The following AP1S2 variants were observed in gnomAD, a reference collection of about 807,000 sequenced individuals.
AP1S2 encodes AP-1 complex subunit sigma-2.
Under a neutral mutation model 14.3 loss-of-function variants are expected in AP1S2, and 1 was observed. The observed-to-expected ratio is 0.07, with a 90% CI of 0.02 to 0.33. The LOEUF is 0.33. Ranked by LOEUF, AP1S2 falls within the 10% of genes least tolerant of loss-of-function variation. The probability of loss-of-function intolerance (pLI) is 0.99; values close to 1 mark genes in which losing one functional copy is unlikely to be tolerated. For synonymous variants in AP1S2, 30 were observed against 40.5 expected (o/e 0.74, Z 0.99); for missense variants, 30 against 117.7 (o/e 0.25, Z 3.45).
intron 4 of AP1S2, among the ~76,000 whole-genome samples, chrX:15,836,109 T>C (rs1933630291): frequency 8.9e-6 from 1 of 111,983 alleles, no homozygotes; most frequent in Non-Finnish European, 1.9e-5. Context: ...CTATTTCTCA[T>C]TGATGAATAT....
chrX:15,833,685 A>G (rs1390255331), intron 4 of AP1S2, among the ~76,000 whole-genome samples: 4 of 112,522 alleles, frequency 3.6e-5, no homozygotes, highest in Non-Finnish European at 7.5e-5. Context: ...GCTAAATTAT[A>G]TGCCCATAAT....
intron 4 of AP1S2, among the ~76,000 whole-genome samples, chrX:15,837,708 G>A (rs978152656): frequency 8.6e-5 from 9 of 105,035 alleles, no homozygotes; most frequent in Non-Finnish European, 1.7e-4. Flanking sequence ...CCTGGTTCAA[G>A]CGATTCTCCT....
intron 4 of AP1S2, among the ~76,000 whole-genome samples, chrX:15,843,328 G>A (rs1933898488): frequency 8.9e-6 from 1 of 111,806 alleles, no homozygotes; most frequent in African/African-American, 3.3e-5. Flanking sequence ...GGCCAAGGGG[G>A]ACGGATCATT....
intron 2 of AP1S2, among the ~76,000 whole-genome samples, chrX:15,848,304 C>T (rs1934061115): frequency 9.0e-6 from 1 of 111,409 alleles, no homozygotes; most frequent in South Asian, 3.7e-4. Context: ...AAGGCTTTTG[C>T]ATATTTTACC....
chrX:15,829,149 C>CTAT (rs1933350444), intron 4 of AP1S2, among the ~76,000 whole-genome samples: 1 of 110,922 alleles, frequency 9.0e-6, no homozygotes, highest in African/African-American at 3.3e-5. Flanking sequence ...GTTCTTTATA[C>CTAT]TATTTCCTAT....
At chrX:15,849,315 C>G (rs1934095568) in intron 2 of AP1S2, among the ~76,000 whole-genome samples, 1 of 112,418 alleles carries the variant, frequency 8.9e-6, no homozygotes, top group African/African-American at 3.2e-5. Flanking sequence ...CTGATATGAA[C>G]AGCAGAAGTC....
intron 4 of AP1S2, chrX:15,833,185 C>G (rs1157040608): frequency 1.7e-5 from 13 of 753,799 alleles, no homozygotes; most frequent in Non-Finnish European, 1.9e-5. Context: ...AACCAACCAT[C>G]GAGAGCTTAC....
At chrX:15,840,494 T>G in intron 4 of AP1S2, 1 of 948,552 alleles carries the variant, frequency 1.1e-6, no homozygotes, top group Non-Finnish European at 1.4e-6. Context: ...ATTTAGTAGT[T>G]ACCAATAAAT....
chrX:15,831,232 A>G, intron 4 of AP1S2: 1 of 734,638 alleles, frequency 1.4e-6, no homozygotes, highest in Non-Finnish European at 1.6e-6. Context: ...TTCATTAATA[A>G]TATGTATGTG....
At position 15,846,848 on chromosome X, in the gene AP1S2, G is replaced by A. The variant is rs1934014929; in HGVS notation, c.180-837C>T. 3.6e-5 allele frequency among the ~76,000 whole-genome samples: 4 copies of A among 111,825 alleles called. No individual in the cohort carries two copies. In the Admixed American group the frequency reaches 3.8e-4, roughly 11 times the overall value. ...TATTTACCCTAGAAGAGGGAATAAG[G>A]TTGGGAAACTTATATTCTCCTTCAA... On this transcript the variant is annotated intron_variant, in intron 2 of 5. Coordinates refer to ENST00000672987, the MANE Select transcript of AP1S2 (RefSeq NM_001272071.2).
At chrX:15,854,600 G>GGC (rs1056201851) in intron 1 of AP1S2, 88 bp downstream of exon 1, 31 of 396,820 alleles carry the variant, frequency 7.8e-5, no homozygotes, top group Non-Finnish European at 9.2e-5. Context: ...GGGTCGTCGG[G>GGC]GCGCGCGCGG....
At chrX:15,847,061 A>T (rs1934020482) in intron 2 of AP1S2, among the ~76,000 whole-genome samples, 1 of 112,113 alleles carries the variant, frequency 8.9e-6, no homozygotes, top group Admixed American at 9.5e-5. Context: ...ATTTCAGTGG[A>T]GATTATAATT....
chrX:15,831,071 T>C (rs1269707661), intron 4 of AP1S2: 3 of 734,945 alleles, frequency 4.1e-6, no homozygotes, highest in Non-Finnish European at 3.2e-6. Flanking sequence ...TCACACAAAA[T>C]AGTTTCTTTT....
chrX:15,840,798 C>T (rs192878722), intron 4 of AP1S2, among the ~76,000 whole-genome samples: 20 of 111,619 alleles, frequency 1.8e-4, no homozygotes, highest in African/African-American at 6.2e-4. Context: ...ATCAATTTAG[C>T]AATTTCAGCA....
intron 4 of AP1S2, chrX:15,844,877 A>G (rs1569085432): frequency 2.1e-6 from 1 of 472,517 alleles, no homozygotes; most frequent in African/African-American, 2.6e-5. Flanking sequence ...GTTTCTACAA[A>G]AAGTATAATT....
At chrX:15,843,683 G>A (rs1407771679) in intron 4 of AP1S2, among the ~76,000 whole-genome samples, 2 of 112,065 alleles carry the variant, frequency 1.8e-5, no homozygotes, top group African/African-American at 6.5e-5. Context: ...TGGAAGAAAT[G>A]CCAGGTTCTG....
At chrX:15,842,767 G>A (rs957007892) in intron 4 of AP1S2, among the ~76,000 whole-genome samples, 3 of 112,076 alleles carry the variant, frequency 2.7e-5, no homozygotes, top group African/African-American at 9.7e-5. Flanking sequence ...GGTGGCTTAC[G>A]CCTGTAATCC....
intron 4 of AP1S2, among the ~76,000 whole-genome samples, chrX:15,836,874 G>C (rs748955475): frequency 1.3e-4 from 14 of 111,508 alleles, no homozygotes; most frequent in Non-Finnish European, 2.3e-4. Context: ...GACAGAGTGA[G>C]ACCCTGTCTC....
chrX:15,836,974 G>A (rs1293326639), intron 4 of AP1S2, among the ~76,000 whole-genome samples: 2 of 111,728 alleles, frequency 1.8e-5, no homozygotes, highest in African/African-American at 6.5e-5. Context: ...TGTTGCCCAG[G>A]CTGGTCTCAA....
Sources: gnomAD v4.1 joint callset for allele counts (sites outside exome capture counted in the v4.1 genomes callset) on GRCh38, gnomAD v4.1.1 for gene constraint, MANE v1.5 for transcripts, NCBI Gene and HGNC (gene_info 2026-07-23, HGNC 2026-07-21) for gene names.